Variants in STK11IP observed in about 807,000 individuals in gnomAD.
STK11IP encodes the protein serine/threonine-protein kinase 11-interacting protein.
A neutral mutation model predicts 131.7 loss-of-function variants in STK11IP; 103 were observed. That is an observed-to-expected ratio of 0.78 (90% CI 0.67 to 0.92). The LOEUF is 0.92. Ranked by LOEUF, STK11IP falls within the 40% of genes least tolerant of loss-of-function variation. The pLI is 0.00. For missense variants in STK11IP, 1,315 were observed against 1,385.7 expected (o/e 0.95, Z 0.81); for synonymous variants, 557 against 575.6 (o/e 0.97, Z 0.46).
At chr2:219,609,639 A>G in intron 17 of STK11IP, 99 bp downstream of exon 17, 1 of 1,394,538 alleles carries the variant, frequency 7.2e-7, no homozygotes, top group East Asian at 2.5e-5. Flanking sequence ...CCTAGGGAGA[A>G]GGGGCTAGAG....
chr2:219,598,350 C>A lies in STK11IP; in HGVS notation c.61+170C>A, dbSNP rs549637173. The stretch of plus-strand genomic sequence containing the variant: ...TTGTTCGCCCTTACAGTGTCCTTTG[C>A]CTGTGATAGCCTAAACTCTAGCCGT... On this transcript the variant is annotated intron_variant, in intron 2 of 24. Transcript: ENST00000456909. 1.6e-4 allele frequency: 87 copies of A among 527,546 alleles called. No individual in the cohort carries two copies. The South Asian group carries it at 2.5e-3, about 15-fold the overall frequency. 32.7% of individuals were successfully genotyped at this position (527,546 alleles called of 1,614,324 possible).
chr2:219,616,203 G>A lies in STK11IP; in HGVS notation c.*10G>A, dbSNP rs199700377. On this transcript the variant is annotated 3_prime_UTR_variant, in exon 25 of 25. Coordinates refer to ENST00000456909, the MANE Select transcript of STK11IP (RefSeq NM_052902.4). ...GGCCCTTGACCGATGAGGGTCCCAC[G>A]CTGACCTTGGCCCTGACCTCAGGAG... The A allele has an allele frequency of 2.7e-4, 442 of 1,611,160 alleles. 3 individuals are homozygous for A. The highest frequency in any genetic ancestry group is 6.1e-5 in the Non-Finnish European group (72 of 1,178,840).
Position 219,609,232 on chromosome 2 carries a change from G to T in STK11IP, c.1926+19G>T. On this transcript the variant is annotated intron_variant, in intron 16 of 24. Coordinates refer to ENST00000456909, the MANE Select transcript of STK11IP (RefSeq NM_052902.4). The stretch of plus-strand genomic sequence containing the variant: ...TGTCCAGGTGATGGCGCCCAGAGTG[G>T]GGGCCCAGGAGGCTGTGGGGATTAA... The T allele has an allele frequency of 6.3e-7, 1 of 1,584,232 alleles. No individual in the cohort carries two copies. Among genetic ancestry groups the T allele is most frequent in the South Asian group, 1.1e-5 (1 of 87,126 alleles).
At chr2:219,610,015 T>C (rs1232804067) in intron 17 of STK11IP, 3 of 177,162 alleles carry the variant, frequency 1.7e-5, no homozygotes, top group African/African-American at 7.1e-5. Flanking sequence ...CATAATGTCC[T>C]GTGGCATTTC....
rs1697844087 is a variant in STK11IP at position 219,597,939 on chromosome 2, A to T, written c.-27+16A>T. 1 of 1,611,694 alleles carries T rather than the reference A, an allele frequency of 6.2e-7. No individual in the cohort carries two copies. The highest frequency in any genetic ancestry group is 2.2e-5 in the East Asian group (1 of 44,592). On this transcript the variant is annotated intron_variant, in intron 1 of 24. Transcript: ENST00000456909. ...GGGAGGTTCGGTATGTCTGACCAGGACTTATGTTCCTCGAAAGGGCGGCCA... is the reference window on the plus strand; with the variant it reads ...GGGAGGTTCGGTATGTCTGACCAGGTCTTATGTTCCTCGAAAGGGCGGCCA...
intron 3 of STK11IP, 25 bp downstream of exon 3, chr2:219,601,465 G>C: frequency 6.2e-7 from 1 of 1,611,696 alleles, no homozygotes; most frequent in Non-Finnish European, 8.5e-7. Context: ...GAAGAGGCAG[G>C]ATGTGCAAGG....
chr2:219,600,350 C>G (rs1367604866), intron 2 of STK11IP, among the ~76,000 whole-genome samples: 2 of 151,430 alleles, frequency 1.3e-5, no homozygotes, highest in African/African-American at 4.9e-5. Flanking sequence ...CCTCAAGTGC[C>G]TTGCTCCCAA....
intron 9 of STK11IP, 31 bp downstream of exon 9, chr2:219,606,090 A>G (rs1188641637): frequency 6.4e-7 from 1 of 1,566,944 alleles, no homozygotes; most frequent in East Asian, 2.3e-5. Flanking sequence ...GGGCCTGGGA[A>G]CCACCCTTGC....
chr2:219,609,298 G>A (rs1205382402), intron 16 of STK11IP, 65 bp from the exon 17 acceptor site: 2 of 1,587,792 alleles, frequency 1.3e-6, no homozygotes, highest in Admixed American at 1.8e-5. Context: ...AGGGCCGGGG[G>A]CCTGTGGGAG....
At position 219,616,273 on chromosome 2, in the gene STK11IP, C is replaced by T. The variant is rs557198629; in HGVS notation, c.*80C>T. 7.2e-4 allele frequency: 1,080 copies of T among 1,503,598 alleles called. 21 individuals carry two copies. The South Asian group carries it at 0.014, about 19-fold the overall frequency. 93.1% of individuals were successfully genotyped at this position (1,503,598 alleles called of 1,614,324 possible). A position where few individuals can be genotyped will look rare whatever the true frequency, so the allele number is the denominator to read the frequency against. On this transcript the variant is annotated 3_prime_UTR_variant, in exon 25 of 25. Coordinates refer to ENST00000456909, the MANE Select transcript of STK11IP (RefSeq NM_052902.4). Reference sequence around the variant, plus strand: ...TCTCCTGGTCTCTGGGTCTGGCTTCCAGGCTCTGGCTGTGGATGTCTTCAG... The same window carrying T: ...TCTCCTGGTCTCTGGGTCTGGCTTCTAGGCTCTGGCTGTGGATGTCTTCAG...
At chr2:219,598,756 G>T (rs1697882735) in intron 2 of STK11IP, among the ~76,000 whole-genome samples, 1 of 152,190 alleles carries the variant, frequency 6.6e-6, no homozygotes, top group Non-Finnish European at 1.5e-5. Flanking sequence ...CTGATGCTTG[G>T]CACTGTGCCT....
At chr2:219,600,068 T>G (rs1447609933) in intron 2 of STK11IP, among the ~76,000 whole-genome samples, 5 of 140,756 alleles carry the variant, frequency 3.6e-5, no homozygotes, top group Admixed American at 2.1e-4. Flanking sequence ...TGTTTTTTTT[T>G]TTTTTTTTTT....
chr2:219,607,913 A>T (rs1353075704), intron 13 of STK11IP, 134 bp from the exon 14 acceptor site: 1 of 1,197,728 alleles, frequency 8.3e-7, no homozygotes, highest in Non-Finnish European at 1.1e-6. Context: ...CGCGGAGGGG[A>T]CGCCTGTAGC....
chr2:219,605,885 C>T, intron 8 of STK11IP, 71 bp from the exon 9 acceptor site: 1 of 1,468,226 alleles, frequency 6.8e-7, no homozygotes, highest in Non-Finnish European at 9.3e-7. Context: ...CAACCTCCCC[C>T]AGTGCATGCA....
chr2:219,609,381 A>G lies in STK11IP; in HGVS notation c.1945A>G (p.Thr649Ala). 1.2e-6 allele frequency: 2 copies of G among 1,613,692 alleles called. No individual in the cohort carries two copies. Among genetic ancestry groups the G allele is most frequent in the Non-Finnish European group, 1.7e-6 (2 of 1,179,840 alleles). Residue 649 changes from threonine to alanine, a missense_variant, in exon 17 of 25, where the codon ACC (threonine) becomes GCC (alanine). Thr to Ala is a moderately conservative substitution (Grantham distance 58). Transcript: ENST00000456909. ...CTGTCAGGAGCTGCTTGCCGTGTTG[A>G]CCCCAGTCACCAATGTGGCTCGGGA... ...AAVQELLAVL[T>A]PVTNVAREQL...
intron 2 of STK11IP, among the ~76,000 whole-genome samples, chr2:219,600,859 G>A (rs945458641): frequency 1.3e-5 from 2 of 152,236 alleles, no homozygotes; most frequent in African/African-American, 4.8e-5. Context: ...CTTCCTGGAG[G>A]AGGCTGGTCT....
At position 219,614,636 on chromosome 2, in the gene STK11IP, C is replaced by A. The variant is rs780523847; in HGVS notation, c.2869+90C>A. 5 of 1,272,538 alleles carry A rather than the reference C, an allele frequency of 3.9e-6. No individual in the cohort carries two copies. In the South Asian group the frequency reaches 4.9e-5, roughly 12 times the overall value. The allele number at this position is 1,272,538 out of a possible 1,614,324, so 78.8% of individuals were successfully genotyped here. On this transcript the variant is annotated intron_variant, in intron 23 of 24. Transcript: ENST00000456909. ...CCACGCGCAGCACCTGTACAGTGCC[C>A]TTGCAGCAACTGTCAGTTCCTGGAA...
At chr2:219,606,346 A>G in intron 10 of STK11IP, 56 bp downstream of exon 10, 1 of 1,543,888 alleles carries the variant, frequency 6.5e-7, no homozygotes, top group Non-Finnish European at 8.8e-7. Flanking sequence ...GTCCTCCCCC[A>G]CCTTGCACCC....
intron 19 of STK11IP, 52 bp downstream of exon 19, chr2:219,612,110 C>G (rs200368727): frequency 6.6e-7 from 1 of 1,508,424 alleles, no homozygotes; most frequent in South Asian, 1.2e-5. Context: ...GGTGCCCACT[C>G]GTTTCCATCA....
Sources: gnomAD v4.1 joint callset for allele counts (sites outside exome capture counted in the v4.1 genomes callset) on GRCh38, gnomAD v4.1.1 for gene constraint, MANE v1.5 for transcripts, NCBI Gene and HGNC (gene_info 2026-07-23, HGNC 2026-07-21) for gene names.